Variants in SPON1 observed in about 807,000 individuals in gnomAD.
SPON1 encodes the protein spondin 1.
SPON1 carries 52 observed loss-of-function variants against 111.7 expected under a neutral mutation model. The ratio of observed to expected loss-of-function variants is 0.47; its 90% CI spans 0.37 to 0.59. SPON1 has a LOEUF of 0.59. Among genes scored for constraint, SPON1 ranks in the 20% least tolerant of loss-of-function variants. SPON1 has a pLI of 0.00. For synonymous variants in SPON1, 410 were observed against 395.8 expected (o/e 1.04, Z -0.43); for missense variants, 957 against 1,068.5 (o/e 0.90, Z 1.46).
chr11:14,255,349 GAA>G (rs2133924328), intron 8 of SPON1, among the ~76,000 whole-genome samples: 1 of 152,326 alleles, frequency 6.6e-6, no homozygotes, highest in Non-Finnish European at 1.5e-5. Flanking sequence ...GGGTCTATTA[GAA>G]AGAGTTTGGG....
chr11:14,114,423 T>C (rs1171490505), intron 5 of SPON1, among the ~76,000 whole-genome samples: 2 of 151,900 alleles, frequency 1.3e-5, no homozygotes, highest in Non-Finnish European at 2.9e-5. Context: ...CATCACCCTG[T>C]GTAATACAGA....
intron 6 of SPON1, among the ~76,000 whole-genome samples, chr11:14,169,716 C>T (rs1402815071): frequency 1.3e-5 from 2 of 152,190 alleles, no homozygotes; most frequent in African/African-American, 2.4e-5. Context: ...CTACATATGG[C>T]TAGCCACTTT....
chr11:14,247,784 G>T (rs1849009097), intron 7 of SPON1, among the ~76,000 whole-genome samples: 1 of 152,200 alleles, frequency 6.6e-6, no homozygotes, highest in Non-Finnish European at 1.5e-5. Context: ...AAAGATCATG[G>T]GATCAGTTCT....
chr11:13,983,453 G>T (rs1848159608), intron 2 of SPON1, among the ~76,000 whole-genome samples: 1 of 152,238 alleles, frequency 6.6e-6, no homozygotes, highest in Non-Finnish European at 1.5e-5. Context: ...CCGAGTTTAA[G>T]AGGTGGTAAT....
intron 5 of SPON1, among the ~76,000 whole-genome samples, chr11:14,088,302 GGA>G (rs1205659486): frequency 1.3e-5 from 2 of 152,154 alleles, no homozygotes; most frequent in Non-Finnish European, 2.9e-5. Flanking sequence ...GCTTCCTTCA[GGA>G]GCTCTTGTAA....
In SPON1 at chr11:14,257,837, C is replaced by T. The variant is rs1028297567; in HGVS notation, c.1431C>T (p.Ser477=). 4 of 1,595,342 alleles carry T rather than the reference C, an allele frequency of 2.5e-6. No homozygotes were observed. Among genetic ancestry groups the T allele is most frequent in the Non-Finnish European group, 3.4e-6 (4 of 1,171,362 alleles). Reference sequence around the variant, plus strand: ...TGCTGAAAGCACAGCTGGACCTCAGCGTCCCCTGCCCTGACACCCAGGACT... The same window carrying T: ...TGCTGAAAGCACAGCTGGACCTCAGTGTCCCCTGCCCTGACACCCAGGACT... ...QRMLKAQLDL[S]VPCPDTQDFQ... Residue 477 remains serine (S), a synonymous_variant, in exon 11 of 16, where the codon AGC becomes AGT. Transcript: ENST00000576479.
chr11:14,208,060 G>A (rs1173799510), intron 6 of SPON1, among the ~76,000 whole-genome samples: 1 of 152,182 alleles, frequency 6.6e-6, no homozygotes, highest in Non-Finnish European at 1.5e-5. Context: ...GCAGGGACAT[G>A]GATGGAGCTG....
chr11:13,981,543 G>A (rs1848144517), intron 1 of SPON1, among the ~76,000 whole-genome samples: 1 of 152,202 alleles, frequency 6.6e-6, no homozygotes, highest in Admixed American at 6.5e-5. Context: ...AGCCAGGATG[G>A]TCTCGAACTC....
chr11:13,989,663 G>C (rs889033989), intron 2 of SPON1, among the ~76,000 whole-genome samples: 1 of 152,048 alleles, frequency 6.6e-6, no homozygotes, highest in African/African-American at 2.4e-5. Context: ...GATCTTTCCT[G>C]CTTTCTCTTG....
At chr11:14,215,069 G>T (rs782408686) in intron 6 of SPON1, among the ~76,000 whole-genome samples, 1 of 151,970 alleles carries the variant, frequency 6.6e-6, no homozygotes, top group Non-Finnish European at 1.5e-5. Flanking sequence ...TTTTTTAAGA[G>T]ATGAGAGTCT....
chr11:14,186,180 A>G (rs1468267688), intron 6 of SPON1, among the ~76,000 whole-genome samples: 1 of 152,266 alleles, frequency 6.6e-6, no homozygotes, highest in African/African-American at 2.4e-5. Flanking sequence ...AAACAGGCAT[A>G]GAAGATATTT....
rs1225951140 is a variant in SPON1, at chr11:14,095,446, AGAT to A, written c.676+15426_676+15428del. ...TAGATAGATAGATAGATAGATAGAT[AGAT>A]AATACATTTTTTTTTGAGGAATTGG... On this transcript the variant is annotated intron_variant, in intron 5 of 15. Coordinates refer to ENST00000576479, the MANE Select transcript of SPON1 (RefSeq NM_006108.4). Among the ~76,000 whole-genome samples, 7 of 127,950 alleles carry A rather than the reference AGAT, an allele frequency of 5.5e-5. No homozygotes were observed. In the East Asian group the frequency reaches 1.1e-3, roughly 20 times the overall value. 83.9% of individuals were successfully genotyped at this position (127,950 alleles called of 152,430 possible). A position where few individuals can be genotyped will look rare whatever the true frequency, so the allele number is the denominator to read the frequency against.
intron 2 of SPON1, among the ~76,000 whole-genome samples, chr11:14,007,025 C>G (rs1296746509): frequency 6.6e-6 from 1 of 152,126 alleles, no homozygotes; most frequent in Non-Finnish European, 1.5e-5. Flanking sequence ...GGTCCCAAAC[C>G]TTTTTGGCAC....
intron 6 of SPON1, among the ~76,000 whole-genome samples, chr11:14,175,061 A>G (rs1591400060): frequency 6.6e-6 from 1 of 151,978 alleles, no homozygotes; most frequent in South Asian, 2.1e-4. Context: ...GGGAGACTCA[A>G]TAAATGGCAA....
At chr11:14,132,813 C>G (rs975120972) in intron 5 of SPON1, among the ~76,000 whole-genome samples, 1 of 152,166 alleles carries the variant, frequency 6.6e-6, no homozygotes. Flanking sequence ...TTTGTAGCCT[C>G]CCTACCAACC....
intron 6 of SPON1, among the ~76,000 whole-genome samples, chr11:14,190,017 A>G (rs144553550): frequency 1.4e-3 from 208 of 152,296 alleles, no homozygotes; most frequent in Non-Finnish European, 2.1e-3. Flanking sequence ...TTGAGTTTGT[A>G]TAATTATATG....
intron 5 of SPON1, among the ~76,000 whole-genome samples, chr11:14,106,220 G>A (rs984055989): frequency 2.6e-5 from 4 of 152,064 alleles, no homozygotes; most frequent in Admixed American, 1.3e-4. Flanking sequence ...AAACCTATTT[G>A]CCAGTTCCTC....
chr11:14,051,767 T>A (rs1848709495), intron 3 of SPON1, among the ~76,000 whole-genome samples: 1 of 152,236 alleles, frequency 6.6e-6, no homozygotes, highest in South Asian at 2.1e-4. Context: ...CTGAACAGAC[T>A]AAGACAGTGC....
intron 5 of SPON1, among the ~76,000 whole-genome samples, chr11:14,116,280 C>A (rs888913349): frequency 3.0e-4 from 45 of 152,028 alleles, no homozygotes; most frequent in African/African-American, 1.0e-3. Context: ...TGATTAGCAC[C>A]TTTTTTGCTC....
Sources: gnomAD v4.1 joint callset for allele counts (sites outside exome capture counted in the v4.1 genomes callset) on GRCh38, gnomAD v4.1.1 for gene constraint, MANE v1.5 for transcripts, NCBI Gene and HGNC (gene_info 2026-07-23, HGNC 2026-07-21) for gene names.